DPF3: variants seen among roughly 807,000 people sequenced by gnomAD.
DPF3 encodes double PHD fingers 3.
In DPF3, 18 loss-of-function variants were observed where a neutral mutation model predicts 56.8. That is an observed-to-expected ratio of 0.32 (90% confidence interval 0.22 to 0.47). The LOEUF (loss-of-function observed/expected upper bound fraction) is 0.47. Ranked by LOEUF, DPF3 falls within the 20% of genes least tolerant of loss-of-function variation. The pLI is 1.00. For missense variants in DPF3, 403 were observed against 488.8 expected (o/e 0.82, Z 1.65); for synonymous variants, 188 against 180.2 (o/e 1.04, Z -0.35).
chr14:72,702,653 CATTCCTACAACCA>C (rs1888220491), intron 6 of DPF3, among the ~76,000 whole-genome samples: 1 of 152,178 alleles, frequency 6.6e-6, no homozygotes, highest in African/African-American at 2.4e-5. Context: ...GGGATGGAGG[CATTCCTACAACCA>C]ATTCCCCCGA....
intron 8 of DPF3, chr14:72,661,555 C>T: frequency 3.0e-6 from 3 of 985,544 alleles, no homozygotes; most frequent in Non-Finnish European, 3.6e-6. Flanking sequence ...AGCCAGTCAG[C>T]CCTGCACCTT....
chr14:72,847,651 A>G (rs1884813267), intron 1 of DPF3, among the ~76,000 whole-genome samples: 2 of 152,134 alleles, frequency 1.3e-5, no homozygotes, highest in African/African-American at 4.8e-5. Flanking sequence ...AGCTGGGATT[A>G]CAGGCACGTA....
At chr14:72,641,186 G>T (rs569769473) in intron 8 of DPF3, among the ~76,000 whole-genome samples, 5 of 152,270 alleles carry the variant, frequency 3.3e-5, no homozygotes, top group South Asian at 4.2e-4. Flanking sequence ...GTAGCAATGG[G>T]CCCTCATGCC....
intron 6 of DPF3, among the ~76,000 whole-genome samples, chr14:72,694,433 T>G (rs1208749482): frequency 1.3e-5 from 2 of 152,216 alleles, no homozygotes; most frequent in African/African-American, 4.8e-5. Flanking sequence ...GAGCACAACT[T>G]TAGCATCAGG....
chr14:72,738,041 G>T (rs1889968412), intron 3 of DPF3, among the ~76,000 whole-genome samples: 1 of 152,098 alleles, frequency 6.6e-6, no homozygotes, highest in Non-Finnish European at 1.5e-5. Context: ...GGAGAAAAGA[G>T]CTTAAGAATC....
chr14:72,661,989 T>G (rs1886236300), intron 8 of DPF3: 4 of 984,172 alleles, frequency 4.1e-6, no homozygotes, highest in South Asian at 9.4e-5. Flanking sequence ...ACATGATAAC[T>G]AGGAGGCAGG....
chr14:72,856,784 A>T (rs1885184427), intron 1 of DPF3, among the ~76,000 whole-genome samples: 1 of 152,114 alleles, frequency 6.6e-6, no homozygotes, highest in Non-Finnish European at 1.5e-5. Flanking sequence ...TGGCCTTTTC[A>T]CCTGCGCAGG....
At chr14:72,734,479 A>G (rs1889805787) in intron 3 of DPF3, among the ~76,000 whole-genome samples, 1 of 152,200 alleles carries the variant, frequency 6.6e-6, no homozygotes, top group African/African-American at 2.4e-5. Flanking sequence ...GTGCTGTCTC[A>G]TGTCCTGTCC....
intron 8 of DPF3, among the ~76,000 whole-genome samples, chr14:72,666,765 T>G (rs1886460878): frequency 1.3e-5 from 2 of 152,124 alleles, no homozygotes; most frequent in Admixed American, 6.5e-5. Flanking sequence ...CACTCTAGGC[T>G]TCCACACACC....
intron 1 of DPF3, among the ~76,000 whole-genome samples, chr14:72,827,431 C>T (rs1883856380): frequency 6.6e-6 from 1 of 150,856 alleles, no homozygotes; most frequent in African/African-American, 2.4e-5. Flanking sequence ...TTCTGGCCAC[C>T]TGGGTTTTTC....
rs1884058501 is a variant in DPF3 at position 72,615,857 on chromosome 14, C to A, written c.*3440G>T. On this transcript the variant is annotated 3_prime_UTR_variant, in exon 11 of 11. Transcript: ENST00000556509. ...CTGGATTTGCTACAGATCCAAAAAG[C>A]AGGGTTTCAAAAATGCCTACAGGAA... Among the ~76,000 whole-genome samples, 1 of 152,252 alleles carries A rather than the reference C, an allele frequency of 6.6e-6. No homozygotes were observed. The highest frequency in any genetic ancestry group is 1.5e-5 in the Non-Finnish European group (1 of 68,042).
At chr14:72,798,954 A>C (rs1052189258) in intron 1 of DPF3, among the ~76,000 whole-genome samples, 1 of 152,220 alleles carries the variant, frequency 6.6e-6, no homozygotes, top group Non-Finnish European at 1.5e-5. Context: ...TGGAGTAAAC[A>C]TCAGGTGTCC....
intron 1 of DPF3, among the ~76,000 whole-genome samples, chr14:72,872,626 C>G (rs1407898854): frequency 3.4e-4 from 52 of 152,128 alleles, no homozygotes; most frequent in Admixed American, 3.3e-3. Context: ...CAATCCTAAG[C>G]CAAAAGAACA....
At chr14:72,655,824 A>G (rs1886047574) in intron 8 of DPF3, among the ~76,000 whole-genome samples, 1 of 152,086 alleles carries the variant, frequency 6.6e-6, no homozygotes, top group African/African-American at 2.4e-5. Flanking sequence ...TTAGGCACCA[A>G]CTCTTCCAGG....
intron 1 of DPF3, among the ~76,000 whole-genome samples, chr14:72,842,359 A>G (rs1323708773): frequency 6.6e-6 from 1 of 152,222 alleles, no homozygotes; most frequent in Non-Finnish European, 1.5e-5. Context: ...GGGAAAATAA[A>G]TCATGGTGAA....
chr14:72,814,336 G>T (rs1371856290), intron 1 of DPF3, among the ~76,000 whole-genome samples: 2 of 151,018 alleles, frequency 1.3e-5, no homozygotes, highest in African/African-American at 4.9e-5. Flanking sequence ...ATACTTGGGG[G>T]ATGTGTGTGA....
intron 1 of DPF3, chr14:72,892,198 A>C: frequency 1.3e-6 from 2 of 1,535,494 alleles, no homozygotes; most frequent in Non-Finnish European, 1.7e-6. Flanking sequence ...AGGTGGCATC[A>C]GCCCGGTTAT....
intron 1 of DPF3, among the ~76,000 whole-genome samples, chr14:72,815,996 A>G (rs1280745903): frequency 1.3e-5 from 2 of 152,220 alleles, no homozygotes; most frequent in Non-Finnish European, 2.9e-5. Flanking sequence ...GTAATGTAAC[A>G]TTTCGAAGAT....
chr14:72,714,987 C>T lies in DPF3; in HGVS notation c.526-486G>A, dbSNP rs73300111. On this transcript the variant is annotated intron_variant, in intron 5 of 10. Transcript: ENST00000556509. ...TGCACGTATCAGGAGCAAGGCCTGA[C>T]GGGGGCAAGGCTAGGCTTCTGTGTC... 9.4e-3 allele frequency among the ~76,000 whole-genome samples: 1,433 copies of T among 152,322 alleles called. 17 individuals are homozygous for T. Among genetic ancestry groups the T allele is most frequent in the African/African-American group, 0.032 (1,317 of 41,570 alleles).
Sources: allele counts gnomAD v4.1 joint callset (sites outside exome capture counted in the v4.1 genomes callset), GRCh38; gene constraint gnomAD v4.1.1; transcripts MANE v1.5; gene names NCBI Gene and HGNC (gene_info 2026-07-23, HGNC 2026-07-21).